PDS5A: variants seen among roughly 807,000 people sequenced by gnomAD.
The protein encoded by PDS5A is sister chromatid cohesion protein PDS5 homolog A.
In PDS5A, 42 loss-of-function variants were observed where a neutral mutation model predicts 167.1. The observed-to-expected ratio is 0.25, with a 90% CI of 0.20 to 0.33. PDS5A has a LOEUF of 0.33. Ranked by LOEUF, PDS5A falls within the 10% of genes least tolerant of loss-of-function variation. The probability of loss-of-function intolerance (pLI) is 1.00; values close to 1 mark genes in which losing one functional copy is unlikely to be tolerated. For missense variants in PDS5A, 1,033 were observed against 1,605.9 expected, an observed-to-expected ratio of 0.64 and a Z score of 6.10; for synonymous variants, 553 against 554.6, an observed-to-expected ratio of 1.00 and a Z score of 0.04.
intron 8 of PDS5A, among the ~76,000 whole-genome samples, chr4:39,914,033 A>C (rs1724123478): frequency 6.6e-6 from 1 of 152,232 alleles, no homozygotes; most frequent in Admixed American, 6.5e-5. Flanking sequence ...TCTAACATTA[A>C]GAACCCTATA....
intron 2 of PDS5A, among the ~76,000 whole-genome samples, chr4:39,948,312 CTTTTTTT>C (rs552182165): frequency 6.2e-5 from 5 of 80,912 alleles, no homozygotes; most frequent in African/African-American, 1.0e-4. Flanking sequence ...TGAATCAAAC[CTTTTTTT>C]TTTTTTTTTT....
At chr4:39,921,195 G>A (rs1183569923) in intron 6 of PDS5A, among the ~76,000 whole-genome samples, 1 of 152,044 alleles carries the variant, frequency 6.6e-6, no homozygotes, top group East Asian at 1.9e-4. Context: ...ACAAATCACT[G>A]CAACAACTAC....
chr4:39,896,360 T>C (rs1722410009), intron 16 of PDS5A, among the ~76,000 whole-genome samples: 1 of 151,424 alleles, frequency 6.6e-6, no homozygotes, highest in Non-Finnish European at 1.5e-5. Context: ...TTTTTTTTTT[T>C]TTAGCTTTTT....
Position 39,862,906 on chromosome 4 carries a change from T to A in PDS5A, c.2934A>T (p.Ile978=). The change falls in exon 25 of 33, where the codon ATA becomes ATT. Residue 978 remains isoleucine, a synonymous_variant. Transcript: ENST00000303538. ...ARQCLLKNIS[I]RREYIKQNPM... ...GATTCTGCTTAATGTATTCCCTGCG[T>A]ATACTGATATTTTTCAGTAAACATT... 6.2e-7 allele frequency: 1 copy of A among 1,611,878 alleles called. No homozygotes were observed. Among genetic ancestry groups the A allele is most frequent in the Non-Finnish European group, 8.5e-7 (1 of 1,179,514 alleles).
intron 31 of PDS5A, among the ~76,000 whole-genome samples, chr4:39,839,860 C>G (rs748613023): frequency 6.6e-6 from 1 of 151,878 alleles, no homozygotes; most frequent in South Asian, 2.1e-4. Context: ...CTTTGGGAGG[C>G]CAAGGTGGGC....
intron 7 of PDS5A, among the ~76,000 whole-genome samples, chr4:39,917,700 G>A (rs1266372227): frequency 1.3e-5 from 2 of 151,948 alleles, no homozygotes; most frequent in Non-Finnish European, 2.9e-5. Context: ...TCAATCTCTC[G>A]AGTAGCTGGG....
intron 16 of PDS5A, among the ~76,000 whole-genome samples, chr4:39,893,037 C>T (rs924652528): frequency 1.3e-5 from 2 of 152,306 alleles, no homozygotes; most frequent in Middle Eastern, 3.4e-3. Flanking sequence ...CTTGAAAATA[C>T]TGAGTAACTT....
chr4:39,875,411 T>C lies in PDS5A; in HGVS notation c.2154-999A>G, dbSNP rs141935766. Among the ~76,000 whole-genome samples, 93 of 152,224 alleles carry C rather than the reference T, an allele frequency of 6.1e-4. No homozygotes were observed. In the East Asian group the frequency reaches 0.014, roughly 23 times the overall value. ...AAGTATTTTTATAATCAGAATAAAA[T>C]TGATAAAACGAAACAAACATTTAAG... On this transcript the variant is annotated intron_variant, in intron 19 of 32. Transcript: ENST00000303538.
chr4:39,835,326 C>T (rs983590131), intron 32 of PDS5A, among the ~76,000 whole-genome samples: 1 of 152,160 alleles, frequency 6.6e-6, no homozygotes, highest in Non-Finnish European at 1.5e-5. Context: ...ACACACTGCC[C>T]ATTGATCTAC....
At chr4:39,917,240 T>G in intron 7 of PDS5A, 52 bp from the exon 8 acceptor site, 2 of 1,194,840 alleles carry the variant, frequency 1.7e-6, no homozygotes, top group South Asian at 3.1e-5. Context: ...TTTAAAAACA[T>G]GGATACATTT....
chr4:39,830,289 A>G (rs943687838), intron 32 of PDS5A, among the ~76,000 whole-genome samples: 1 of 152,204 alleles, frequency 6.6e-6, no homozygotes, highest in African/African-American at 2.4e-5. Flanking sequence ...ACTGAGGCTC[A>G]AGCAATCCTC....
intron 2 of PDS5A, among the ~76,000 whole-genome samples, chr4:39,943,694 C>T (rs1243083991): frequency 6.6e-6 from 1 of 150,770 alleles, no homozygotes; most frequent in Admixed American, 6.6e-5. Flanking sequence ...GTAATCCCAG[C>T]AACTCGGGGG....
At chr4:39,837,649 C>A in intron 32 of PDS5A, 2 of 482,722 alleles carry the variant, frequency 4.1e-6, no homozygotes, top group Non-Finnish European at 7.2e-6. Context: ...AAAAATTACA[C>A]AAAGAAAAAA....
intron 16 of PDS5A, chr4:39,898,146 C>T (rs983242576): frequency 9.1e-6 from 11 of 1,213,054 alleles, no homozygotes; most frequent in Non-Finnish European, 1.1e-5. Context: ...GTTCAAAGTA[C>T]TTTATCTTGT....
chr4:39,974,270 A>G, intron 2 of PDS5A: 1 of 546,178 alleles, frequency 1.8e-6, no homozygotes, highest in Middle Eastern at 3.2e-4. Context: ...ACCACCACTT[A>G]ATACTATGAG....
chr4:39,916,130 A>C (rs1371305823), intron 8 of PDS5A, among the ~76,000 whole-genome samples: 1 of 151,974 alleles, frequency 6.6e-6, no homozygotes, highest in East Asian at 1.9e-4. Flanking sequence ...CCAGCTCCTC[A>C]AGAGACTGAG....
intron 32 of PDS5A, among the ~76,000 whole-genome samples, chr4:39,830,131 A>G (rs1426632563): frequency 1.3e-5 from 2 of 152,046 alleles, no homozygotes; most frequent in Admixed American, 1.3e-4. Context: ...ATGCTCATAT[A>G]GTGTGATACT....
In PDS5A at chr4:39,849,566, T is replaced by A. The variant is rs1460109481; in HGVS notation, c.3173A>T (p.Lys1058Met). ...AFMKKMAENIKLTRDAQSPDE... is the reference protein window; with the variant it reads ...AFMKKMAENIMLTRDAQSPDE... ...TGGAGACTGGGCATCTCTGGTTAAC[T>A]TGATGTTCTCTGCCATCTTCTTCAT... Residue 1058 changes from lysine to methionine, a missense_variant, in exon 27 of 33, where the codon AAG (lysine) becomes ATG (methionine). By Grantham distance (95) the Lys-to-Met change is moderately conservative. Transcript: ENST00000303538. 1.2e-6 allele frequency: 2 copies of A among 1,611,828 alleles called. No homozygotes were observed. Among genetic ancestry groups the A allele is most frequent in the Non-Finnish European group, 1.7e-6 (2 of 1,178,026 alleles).
intron 31 of PDS5A, among the ~76,000 whole-genome samples, chr4:39,840,174 C>T (rs1716857769): frequency 6.6e-6 from 1 of 151,944 alleles, no homozygotes; most frequent in South Asian, 2.1e-4. Flanking sequence ...CTGCTCAAGT[C>T]AACACTTAGC....
Sources: allele counts gnomAD v4.1 joint callset (sites outside exome capture counted in the v4.1 genomes callset), GRCh38; gene constraint gnomAD v4.1.1; transcripts MANE v1.5; gene names NCBI Gene and HGNC (gene_info 2026-07-23, HGNC 2026-07-21).